Variants in FAT1 observed in about 807,000 individuals in gnomAD.
FAT1 encodes FAT atypical cadherin 1.
In FAT1, 171 loss-of-function variants were observed where a neutral mutation model predicts 329.8. That is an observed-to-expected ratio of 0.52 (90% CI 0.46 to 0.59). The LOEUF is 0.59. Ranked by LOEUF, FAT1 falls within the 20% of genes least tolerant of loss-of-function variation. The probability of loss-of-function intolerance (pLI) is 0.00; values close to 1 mark genes in which losing one functional copy is unlikely to be tolerated. For missense variants in FAT1, 5,672 were observed against 5,774.4 expected (o/e 0.98, Z 0.57); for synonymous variants, 2,233 against 2,228.6 (o/e 1.00, Z -0.06).
At chr4:186,626,360 T>C (rs79861015) in intron 9 of FAT1, among the ~76,000 whole-genome samples, 24 of 36,596 alleles carry the variant, frequency 6.6e-4, no homozygotes, top group Admixed American at 2.1e-3. Context: ...TTCATCAGCC[T>C]ACAGAATGAA....
At chr4:186,616,596 C>G (rs28595881) in intron 11 of FAT1, among the ~76,000 whole-genome samples, 37 of 152,216 alleles carry the variant, frequency 2.4e-4, no homozygotes, top group Non-Finnish European at 5.0e-4. Context: ...GCAGGAAGCA[C>G]GCTGTCCACC....
At chr4:186,645,366 CATATATATATATATATATAT>C (rs70964973) in intron 3 of FAT1, among the ~76,000 whole-genome samples, 791 of 35,432 alleles carry the variant, frequency 0.022, 16 homozygotes, top group Admixed American at 0.031. Flanking sequence ...TACTTCATTA[CATATATATATATATATATAT>C]ATATATATAT....
chr4:186,697,341 G>A (rs1744085466), intron 2 of FAT1, among the ~76,000 whole-genome samples: 2 of 152,218 alleles, frequency 1.3e-5, no homozygotes, highest in Admixed American at 6.5e-5. Context: ...AAAGCGCAGC[G>A]TCTGTGGAGG....
intron 3 of FAT1, among the ~76,000 whole-genome samples, chr4:186,642,178 C>G (rs1030006785): frequency 2.0e-5 from 3 of 152,144 alleles, no homozygotes; most frequent in Non-Finnish European, 4.4e-5. Flanking sequence ...CCCTTTCTTT[C>G]CACTTCAGCC....
intron 1 of FAT1, among the ~76,000 whole-genome samples, chr4:186,723,083 T>C (rs7674963): frequency 6.6e-6 from 1 of 152,206 alleles, no homozygotes; most frequent in African/African-American, 2.4e-5. Context: ...AAAAACTCTT[T>C]CTTTTAAAAA....
At position 186,708,097 on chromosome 4, in the gene FAT1, T is replaced by C. The variant is rs1744734344; in HGVS notation, c.1731A>G (p.Thr577=). 3 of 1,614,006 alleles carry C rather than the reference T, an allele frequency of 1.9e-6. No individual in the cohort carries two copies. In the East Asian group the frequency reaches 6.7e-5, roughly 36 times the overall value. ...PLFEKINCEG[T]IPRDLGVGEQ... ...CTCCCACGCCTAGATCTCTGGGAAT[T>C]GTCCCTTCACAATTTATTTTCTCAA... The change falls in exon 2 of 27, where the codon ACA becomes ACG. Residue 577 remains threonine (T), a synonymous_variant. Transcript: ENST00000441802.
At chr4:186,665,255 C>T (rs1248544262) in intron 2 of FAT1, among the ~76,000 whole-genome samples, 8 of 152,198 alleles carry the variant, frequency 5.3e-5, no homozygotes, top group African/African-American at 1.7e-4. Context: ...TTCTAGATCC[C>T]TGAGGAATCG....
chr4:186,612,475 C>T (rs1012568771), intron 13 of FAT1, among the ~76,000 whole-genome samples: 27 of 152,040 alleles, frequency 1.8e-4, no homozygotes, highest in African/African-American at 6.5e-4. Flanking sequence ...TTTATGAGTG[C>T]AGAACCGATG....
At chr4:186,671,472 C>A (rs1254700873) in intron 2 of FAT1, among the ~76,000 whole-genome samples, 1 of 151,958 alleles carries the variant, frequency 6.6e-6, no homozygotes, top group Non-Finnish European at 1.5e-5. Flanking sequence ...CCGAGGCTGG[C>A]AGATCACCTG....
intron 11 of FAT1, among the ~76,000 whole-genome samples, chr4:186,615,404 C>T (rs1001651573): frequency 2.6e-5 from 4 of 152,154 alleles, no homozygotes; most frequent in African/African-American, 9.7e-5. Context: ...ACTCACAGAA[C>T]CTGTGGTGGG....
intron 1 of FAT1, among the ~76,000 whole-genome samples, chr4:186,719,850 T>C (rs1251737078): frequency 3.3e-5 from 5 of 152,258 alleles, no homozygotes; most frequent in Admixed American, 3.3e-4. Flanking sequence ...ATTTTGTTCA[T>C]GCAGAGTATT....
At chr4:186,597,618 C>T in intron 24 of FAT1, 64 bp downstream of exon 24, 1 of 1,113,158 alleles carries the variant, frequency 9.0e-7, no homozygotes. Context: ...AGGTCTGTTG[C>T]ATCTGCCAGT....
intron 1 of FAT1, among the ~76,000 whole-genome samples, chr4:186,714,281 G>A (rs542138632): frequency 1.3e-5 from 2 of 152,126 alleles, no homozygotes; most frequent in Non-Finnish European, 2.9e-5. Flanking sequence ...CTGGAGTGGG[G>A]AGAGGGAGGG....
At position 186,601,375 on chromosome 4, in the gene FAT1, G is replaced by A. The variant is rs372957295; in HGVS notation, c.11534C>T (p.Thr3845Met). Residue 3845 changes from threonine (T) to methionine (M), a missense_variant, in exon 21 of 27, where the codon ACG (threonine) becomes ATG (methionine). Around this residue, in one of 2 missense-constraint regions of FAT1, gnomAD observed 1,706 missense variants for 1,859.1 expected, o/e 0.92. Coordinates refer to ENST00000441802, the MANE Select transcript of FAT1 (RefSeq NM_005245.4). Reference sequence around the variant, plus strand: ...CATCTCTAATTTGTTTTCATTTTCCGTCAGACGGTATTTCACGTAGCTGTT... The same window carrying A: ...CATCTCTAATTTGTTTTCATTTTCCATCAGACGGTATTTCACGTAGCTGTT... The part of the protein sequence containing the change: ...TGNSYVKYRL[T>M]ENENKLEMKL... The A allele has an allele frequency of 4.4e-5, 71 of 1,613,272 alleles. No homozygotes were observed. Among genetic ancestry groups the A allele is most frequent in the Non-Finnish European group, 4.4e-5 (52 of 1,179,460 alleles).
In FAT1 at chr4:186,708,826, G is replaced by A. The variant is rs2126699342; in HGVS notation, c.1002C>T (p.Leu334=). 6.2e-7 allele frequency: 1 copy of A among 1,613,994 alleles called. No individual in the cohort carries two copies. The highest frequency in any genetic ancestry group is 8.5e-7 in the Non-Finnish European group (1 of 1,179,884). ...TTCCTTTATCTTTAGCCTGTAGTGT[G>A]AGATTGTAGCCGAAAGGATGACTGT... ...DWDSHPFGYN[L]TLQAKDKGTP... is the part of the protein sequence containing the mutation. The change falls in exon 2 of 27, where the codon CTC becomes CTT. Residue 334 remains leucine (L), a synonymous_variant. Coordinates refer to ENST00000441802, the MANE Select transcript of FAT1 (RefSeq NM_005245.4).
intron 2 of FAT1, among the ~76,000 whole-genome samples, chr4:186,675,292 G>C (rs1301613142): frequency 3.4e-5 from 5 of 148,182 alleles, no homozygotes; most frequent in African/African-American, 1.2e-4. Flanking sequence ...CTTTAGGAAA[G>C]AAATCTCATT....
chr4:186,658,664 G>A (rs114328719), intron 3 of FAT1, among the ~76,000 whole-genome samples: 2,281 of 152,118 alleles, frequency 0.015, 64 homozygotes, highest in African/African-American at 0.052. Context: ...CTTATTTCTT[G>A]GTCTCCAACT....
At chr4:186,650,457 CAG>C (rs33996688) in intron 3 of FAT1, among the ~76,000 whole-genome samples, 54,656 of 151,866 alleles carry the variant, frequency 0.36, 10,120 homozygotes, top group Middle Eastern at 0.43. Flanking sequence ...CAAGACAGAA[CAG>C]ACTCTTTGAT....
chr4:186,604,787 G>GGAT lies in FAT1; in HGVS notation c.10351-216_10351-214dup, dbSNP rs70964972. 0.41 allele frequency among the ~76,000 whole-genome samples: 61,635 copies of GGAT among 151,488 alleles called. 12,800 individuals carry two copies. The highest frequency in any genetic ancestry group is 0.59 in the South Asian group (2,813 of 4,762). ...TGTAGCGAAAAGGGAAGAAAAAGGA[G>GGAT]GATGAAGGAAACATGGTAAGAAAGG... On this transcript the variant is annotated intron_variant, in intron 17 of 26. Transcript: ENST00000441802.
Sources: gnomAD v4.1 joint callset for allele counts (sites outside exome capture counted in the v4.1 genomes callset) on GRCh38, gnomAD v4.1.1 for gene constraint, gnomAD v4.1.1 regional missense constraint, MANE v1.5 for transcripts, NCBI Gene and HGNC (gene_info 2026-07-23, HGNC 2026-07-21) for gene names.